FAM114A2: variants seen among roughly 807,000 people sequenced by gnomAD.
FAM114A2 encodes the protein protein FAM114A2.
A neutral mutation model predicts 58.4 loss-of-function variants in FAM114A2; 53 were observed. The ratio of observed to expected loss-of-function variants is 0.91; its 90% CI spans 0.73 to 1.14. FAM114A2 has a LOEUF of 1.14. Among genes scored for constraint, FAM114A2 ranks in the 50% most tolerant of loss-of-function variants. FAM114A2 has a pLI of 0.00. For missense variants in FAM114A2, 601 were observed against 581.1 expected (o/e 1.03, Z -0.35); for synonymous variants, 228 against 211.4 (o/e 1.08, Z -0.68).
At chr5:153,993,946 T>C (rs531159565) in intron 13 of FAM114A2, among the ~76,000 whole-genome samples, 82 of 152,344 alleles carry the variant, frequency 5.4e-4, no homozygotes, top group Middle Eastern at 3.4e-3. Context: ...AAATCTCTTA[T>C]GTTGCACATG....
chr5:154,028,814 T>A (rs1471563908), intron 5 of FAM114A2, among the ~76,000 whole-genome samples: 1 of 152,164 alleles, frequency 6.6e-6, no homozygotes, highest in African/African-American at 2.4e-5. Context: ...TAACCTATGA[T>A]GGTGGAAGTC....
In FAM114A2 at chr5:153,992,132, C is replaced by G. The variant is rs540929959; in HGVS notation, c.*844G>C. ...AACAAAAAAATCCTCATTGCTAAAA[C>G]AGCTTCAACATTCCTTTGGAGTTTG... On this transcript the variant is annotated 3_prime_UTR_variant, in exon 14 of 14. Coordinates refer to ENST00000351797, the MANE Select transcript of FAM114A2 (RefSeq NM_018691.4). 6.6e-6 allele frequency: 1 copy of G among 152,324 alleles called. No individual in the cohort carries two copies. The highest frequency in any genetic ancestry group is 1.9e-4 in the East Asian group (1 of 5,180). 9.4% of individuals were successfully genotyped at this position (152,324 alleles called of 1,614,324 possible). A position where few individuals can be genotyped will look rare whatever the true frequency, so the allele number is the denominator to read the frequency against.
chr5:154,038,813 C>T (rs1324804281), intron 1 of FAM114A2, 44 bp downstream of exon 1: 6 of 152,534 alleles, frequency 3.9e-5, no homozygotes, highest in Non-Finnish European at 8.8e-5. Context: ...GGGCCCTGCC[C>T]CTGAACCTCG....
chr5:153,994,071 C>T (rs1172099314), intron 13 of FAM114A2, among the ~76,000 whole-genome samples: 1 of 152,152 alleles, frequency 6.6e-6, no homozygotes, highest in African/African-American at 2.4e-5. Context: ...TACTAAATCA[C>T]AAACTTATAT....
rs530138382 is a variant in FAM114A2 at position 153,996,692 on chromosome 5, C to T, written c.1329+1111G>A. 4.6e-4 allele frequency among the ~76,000 whole-genome samples: 70 copies of T among 152,086 alleles called. No individual in the cohort carries two copies. In the South Asian group the frequency reaches 6.0e-3, roughly 13 times the overall value. Reference sequence around the variant, plus strand: ...AAGCCAGACAAATAGCCAACCAGCACATTAAAAGATGTTCAACATTGGCGC... The same window carrying T: ...AAGCCAGACAAATAGCCAACCAGCATATTAAAAGATGTTCAACATTGGCGC... On this transcript the variant is annotated intron_variant, in intron 12 of 13. Transcript: ENST00000351797.
At chr5:154,016,282 C>T (rs1010234160) in intron 8 of FAM114A2, among the ~76,000 whole-genome samples, 6 of 152,126 alleles carry the variant, frequency 3.9e-5, no homozygotes, top group Admixed American at 6.5e-5. Flanking sequence ...GGAAATTCAT[C>T]GCAAAAAGAC....
chr5:154,028,012 A>C, intron 6 of FAM114A2, 137 bp downstream of exon 6: 1 of 685,664 alleles, frequency 1.5e-6, no homozygotes. Context: ...CCCATCCCTG[A>C]TCCCCCCAAA....
chr5:153,997,575 T>C (rs1368812499), intron 12 of FAM114A2, among the ~76,000 whole-genome samples: 2 of 152,110 alleles, frequency 1.3e-5, no homozygotes, highest in East Asian at 1.9e-4. Context: ...TCATGGTGCG[T>C]AGGGCTGGGG....
intron 4 of FAM114A2, among the ~76,000 whole-genome samples, chr5:154,031,052 C>T (rs1349722573): frequency 1.3e-5 from 2 of 152,066 alleles, no homozygotes; most frequent in East Asian, 3.9e-4. Context: ...CAGCTTATAC[C>T]TGTAATCCCA....
At chr5:154,017,740 C>T (rs185768311) in intron 8 of FAM114A2, among the ~76,000 whole-genome samples, 51 of 152,284 alleles carry the variant, frequency 3.3e-4, no homozygotes, top group Non-Finnish European at 1.0e-4. Context: ...ATATCATGCA[C>T]TCTCTCAGAT....
At chr5:154,004,401 A>C (rs1246867617) in intron 9 of FAM114A2, among the ~76,000 whole-genome samples, 1 of 152,054 alleles carries the variant, frequency 6.6e-6, no homozygotes, top group Non-Finnish European at 1.5e-5. Flanking sequence ...CATCCATCCT[A>C]TGCCAGTGGT....
intron 8 of FAM114A2, among the ~76,000 whole-genome samples, chr5:154,022,272 A>G (rs4574591): frequency 0.61 from 93,277 of 152,028 alleles, 29,163 homozygotes; most frequent in East Asian, 0.87. Context: ...AACAAAAGCC[A>G]AAACAGATAA....
chr5:154,031,068 T>C (rs903080907), intron 4 of FAM114A2, among the ~76,000 whole-genome samples: 5 of 151,874 alleles, frequency 3.3e-5, no homozygotes, highest in African/African-American at 7.3e-5. Flanking sequence ...TCCCAGCACT[T>C]TGGGAGGCCG....
Position 154,008,793 on chromosome 5 carries a change from T to C in FAM114A2, c.993+2448A>G, listed in dbSNP as rs528394000. Among the ~76,000 whole-genome samples, 10 of 152,212 alleles carry C rather than the reference T, an allele frequency of 6.6e-5. No homozygotes were observed. The East Asian group carries it at 7.7e-4, about 12-fold the overall frequency. ...TTTTGGATAAGGGATACTCAATCTA[T>C]AGTATAGGCAAAGCAATAAAACCAT... On this transcript the variant is annotated intron_variant, in intron 9 of 13. Coordinates refer to ENST00000351797, the MANE Select transcript of FAM114A2 (RefSeq NM_018691.4).
At position 154,027,245 on chromosome 5, in the gene FAM114A2, G is replaced by A; in HGVS notation, c.720C>T (p.Leu240=). Residue 240 remains leucine (L), a synonymous_variant, in exon 7 of 14, where the codon CTC becomes CTT. Coordinates refer to ENST00000351797, the MANE Select transcript of FAM114A2 (RefSeq NM_018691.4). ...GTGAAAGGCCTTGAAATTCATCAAA[G>A]AGTAGCCCATAATGAGTTTTCTTGT... ...ETDKKTHYGL[L]FDEFQGLSHL... is the part of the protein sequence containing the mutation. 6.2e-7 allele frequency: 1 copy of A among 1,613,588 alleles called. No individual in the cohort carries two copies. Among genetic ancestry groups the A allele is most frequent in the Non-Finnish European group, 8.5e-7 (1 of 1,179,610 alleles).
chr5:154,033,386 A>G (rs1772321641), intron 4 of FAM114A2, among the ~76,000 whole-genome samples: 1 of 152,214 alleles, frequency 6.6e-6, no homozygotes, highest in South Asian at 2.1e-4. Context: ...AAATCTGAAC[A>G]CAAAAGGAAT....
Position 153,993,038 on chromosome 5 carries a change from C to A in FAM114A2, c.1456G>T (p.Glu486Ter), listed in dbSNP as rs981886756. ...LLPVLEISLI[E>*]NKIESHRHEL... ...TGTCTGTGTGATTCAATCTTGTTCT[C>A]AATGAGAGAGATCTCTAGCACAGGT... The change falls in exon 14 of 14, where the codon GAG (glutamate) becomes TAG (stop). Residue 486 changes from glutamate to a stop codon, truncating the protein, a stop_gained. Transcript: ENST00000351797. LOFTEE classifies it low-confidence loss of function (END_TRUNC). 1 of 1,613,526 alleles carries A rather than the reference C, an allele frequency of 6.2e-7. No homozygotes were observed. Among genetic ancestry groups the A allele is most frequent in the Non-Finnish European group, 8.5e-7 (1 of 1,179,562 alleles).
chr5:154,027,958 A>AGG, intron 6 of FAM114A2, among the ~76,000 whole-genome samples, 191 bp downstream of exon 6: 1 of 152,314 alleles, frequency 6.6e-6, no homozygotes, highest in East Asian at 1.9e-4. Flanking sequence ...CAGAAAGAGG[A>AGG]GGAGAAAAAG....
At chr5:154,001,773 C>T (rs1203369331) in intron 11 of FAM114A2, among the ~76,000 whole-genome samples, 3 of 152,072 alleles carry the variant, frequency 2.0e-5, no homozygotes, top group Non-Finnish European at 4.4e-5. Flanking sequence ...GGGGCTAAAT[C>T]CCAGGCCATA....
Sources: gnomAD v4.1 joint callset for allele counts (sites outside exome capture counted in the v4.1 genomes callset) on GRCh38, gnomAD v4.1.1 for gene constraint, MANE v1.5 for transcripts, NCBI Gene and HGNC (gene_info 2026-07-23, HGNC 2026-07-21) for gene names.